Variants in CCDC170 observed in about 807,000 individuals in gnomAD.
CCDC170 encodes coiled-coil domain containing 170, also known as coiled-coil domain-containing protein 170.
In CCDC170, 69 loss-of-function variants were observed where a neutral mutation model predicts 72.6. That is an observed-to-expected ratio of 0.95 (90% CI 0.78 to 1.16). The LOEUF (loss-of-function observed/expected upper bound fraction) is 1.16, where lower values mean the gene tolerates loss of function less well. CCDC170 is among the 50% of genes most tolerant of loss of function. CCDC170 has a pLI of 0.00. For synonymous variants in CCDC170, 300 were observed against 303.9 expected (o/e 0.99, Z 0.13); for missense variants, 852 against 832.5 (o/e 1.02, Z -0.29).
intron 2 of CCDC170, among the ~76,000 whole-genome samples, chr6:151,536,736 C>CT (rs1714037244): frequency 7.9e-6 from 1 of 126,272 alleles, no homozygotes; most frequent in African/African-American, 3.2e-5. Flanking sequence ...GATCACAGTA[C>CT]TGCACTCCAG....
intron 7 of CCDC170, among the ~76,000 whole-genome samples, chr6:151,590,382 A>C (rs544748756): frequency 6.6e-6 from 1 of 152,340 alleles, no homozygotes; most frequent in East Asian, 1.9e-4. Context: ...ACTATAAATG[A>C]ATCATTAATT....
intron 1 of CCDC170, among the ~76,000 whole-genome samples, chr6:151,504,491 A>G (rs1583000432): frequency 6.6e-6 from 1 of 150,636 alleles, no homozygotes; most frequent in African/African-American, 2.5e-5. Context: ...CCAATAAAAA[A>G]TAATTGGTAA....
intron 1 of CCDC170, among the ~76,000 whole-genome samples, chr6:151,534,757 G>T (rs1445668747): frequency 1.3e-5 from 2 of 152,228 alleles, no homozygotes; most frequent in African/African-American, 4.8e-5. Flanking sequence ...CATGACGCTT[G>T]TTGGAAAGTT....
At chr6:151,502,984 A>T (rs779406259) in intron 1 of CCDC170, among the ~76,000 whole-genome samples, 22 of 152,170 alleles carry the variant, frequency 1.4e-4, no homozygotes, top group Non-Finnish European at 2.2e-4. Flanking sequence ...CCTGGCCAAC[A>T]TGGTGAAACC....
chr6:151,594,641 ATTTTC>A (rs1206804588), intron 8 of CCDC170, among the ~76,000 whole-genome samples: 453 of 150,834 alleles, frequency 3.0e-3, no homozygotes, highest in African/African-American at 4.0e-3. Flanking sequence ...ATGGAGTGGA[ATTTTC>A]TTTTCTTTTC....
At chr6:151,588,730 C>A (rs1404672124) in intron 7 of CCDC170, among the ~76,000 whole-genome samples, 1 of 152,094 alleles carries the variant, frequency 6.6e-6, no homozygotes, top group Non-Finnish European at 1.5e-5. Context: ...CGCTTGAGCT[C>A]TGGAGTTCAA....
chr6:151,547,223 A>G (rs1271198341), intron 4 of CCDC170, among the ~76,000 whole-genome samples: 1 of 152,218 alleles, frequency 6.6e-6, no homozygotes, highest in Non-Finnish European at 1.5e-5. Context: ...AGTGCTTACT[A>G]TATGCTAGAC....
chr6:151,501,944 C>G (rs1442128494), intron 1 of CCDC170, among the ~76,000 whole-genome samples: 1 of 152,082 alleles, frequency 6.6e-6, no homozygotes, highest in Non-Finnish European at 1.5e-5. Context: ...TGTTTTGCTT[C>G]CAACTTTCTT....
chr6:151,519,221 C>T (rs1313479831), intron 1 of CCDC170, among the ~76,000 whole-genome samples: 2 of 152,148 alleles, frequency 1.3e-5, no homozygotes, highest in African/African-American at 2.4e-5. Flanking sequence ...TATGGACCTC[C>T]CCCGAGGAAT....
intron 5 of CCDC170, among the ~76,000 whole-genome samples, chr6:151,566,861 C>T (rs1482332730): frequency 2.0e-5 from 3 of 152,278 alleles, no homozygotes; most frequent in African/African-American, 7.2e-5. Flanking sequence ...CTTGCTAGTT[C>T]ACTTAGTTAA....
At chr6:151,515,940 C>T in intron 1 of CCDC170, among the ~76,000 whole-genome samples, 1 of 151,970 alleles carries the variant, frequency 6.6e-6, no homozygotes, top group East Asian at 1.9e-4. Flanking sequence ...GTGGCACATG[C>T]CTGTAGTCCC....
At chr6:151,547,158 A>C (rs1244448378) in intron 4 of CCDC170, among the ~76,000 whole-genome samples, 1 of 151,984 alleles carries the variant, frequency 6.6e-6, no homozygotes, top group Non-Finnish European at 1.5e-5. Context: ...TTCGCAAGGA[A>C]CCATGCATTC....
intron 9 of CCDC170, among the ~76,000 whole-genome samples, chr6:151,599,382 T>C (rs1661757540): frequency 6.6e-6 from 1 of 152,198 alleles, no homozygotes; most frequent in African/African-American, 2.4e-5. Context: ...TGGTATTTGG[T>C]ACAACATTGC....
At chr6:151,494,313 G>A in intron 1 of CCDC170, 128 bp downstream of exon 1, 1 of 995,660 alleles carries the variant, frequency 1.0e-6, no homozygotes, top group Non-Finnish European at 1.4e-6. Flanking sequence ...GCAGCTCTGT[G>A]CCCGCGAGGG....
intron 1 of CCDC170, among the ~76,000 whole-genome samples, chr6:151,517,157 A>C (rs1227876543): frequency 6.6e-6 from 1 of 152,130 alleles, no homozygotes; most frequent in Admixed American, 6.5e-5. Flanking sequence ...CAACATGGAG[A>C]AACTGTCTCT....
chr6:151,494,748 C>T (rs1027142846), intron 1 of CCDC170, among the ~76,000 whole-genome samples: 1 of 152,182 alleles, frequency 6.6e-6, no homozygotes, highest in Non-Finnish European at 1.5e-5. Flanking sequence ...CACACACGAA[C>T]ATGCGCGCAT....
chr6:151,512,331 T>C (rs1169917418), intron 1 of CCDC170, among the ~76,000 whole-genome samples: 2 of 151,986 alleles, frequency 1.3e-5, no homozygotes, highest in African/African-American at 4.8e-5. Flanking sequence ...GGCTAATTTT[T>C]GTATTTTTAG....
At chr6:151,537,836 T>C (rs944148489) in intron 2 of CCDC170, among the ~76,000 whole-genome samples, 4 of 152,320 alleles carry the variant, frequency 2.6e-5, no homozygotes, top group African/African-American at 9.6e-5. Context: ...ATTGCTCAAT[T>C]GGTTTTGGAA....
chr6:151,599,199 C>G (rs1310178534), intron 9 of CCDC170, among the ~76,000 whole-genome samples: 1 of 152,156 alleles, frequency 6.6e-6, no homozygotes, highest in Non-Finnish European at 1.5e-5. Context: ...ATTTGCAGAC[C>G]TGATCTAACA....
Sources: allele counts gnomAD v4.1 joint callset (sites outside exome capture counted in the v4.1 genomes callset), GRCh38; gene constraint gnomAD v4.1.1; transcripts MANE v1.5; gene names NCBI Gene and HGNC (gene_info 2026-07-23, HGNC 2026-07-21).